CDIN1: variants seen among roughly 807,000 people sequenced by gnomAD.
CDIN1 encodes CDAN1-interacting nuclease 1.
CDIN1 carries 33 observed loss-of-function variants against 45.3 expected under a neutral mutation model. The ratio of observed to expected loss-of-function variants is 0.73; its 90% CI spans 0.55 to 0.97. The LOEUF (loss-of-function observed/expected upper bound fraction) is 0.97, where lower values mean the gene tolerates loss of function less well. CDIN1 is among the 50% of genes least tolerant of loss of function. The pLI, the probability that CDIN1 is intolerant of heterozygous loss-of-function variation, is 0.00. For missense variants in CDIN1, 303 were observed against 339.4 expected (o/e 0.89, Z 0.84); for synonymous variants, 118 against 124.4 (o/e 0.95, Z 0.34).
chr15:36,722,210 C>G (rs958258766), intron 10 of CDIN1, among the ~76,000 whole-genome samples: 10 of 151,916 alleles, frequency 6.6e-5, no homozygotes, highest in East Asian at 1.9e-4. Flanking sequence ...TAATCTTAAC[C>G]TTTGTATCTT....
At chr15:36,650,844 C>A (rs1321072568) in intron 3 of CDIN1, among the ~76,000 whole-genome samples, 1 of 152,100 alleles carries the variant, frequency 6.6e-6, no homozygotes, top group Non-Finnish European at 1.5e-5. Context: ...AAGCGGATCA[C>A]CTGAGATCAG....
At chr15:36,670,975 G>T (rs1360229860) in intron 5 of CDIN1, among the ~76,000 whole-genome samples, 1 of 152,096 alleles carries the variant, frequency 6.6e-6, no homozygotes, top group Non-Finnish European at 1.5e-5. Flanking sequence ...GAACACTAAG[G>T]TTGTAACTTG....
At chr15:36,723,219 C>G (rs2043498384) in intron 10 of CDIN1, among the ~76,000 whole-genome samples, 1 of 60,462 alleles carries the variant, frequency 1.7e-5, no homozygotes. Context: ...GCTTGCTAAC[C>G]ATTACCACCA....
chr15:36,633,882 C>T (rs758562292), intron 1 of CDIN1, among the ~76,000 whole-genome samples: 3 of 152,006 alleles, frequency 2.0e-5, no homozygotes, highest in East Asian at 3.9e-4. Flanking sequence ...CTCAGCCTCC[C>T]GAGTAGCTGG....
intron 9 of CDIN1, 36 bp downstream of exon 9, chr15:36,709,324 G>C: frequency 6.6e-7 from 1 of 1,504,544 alleles, no homozygotes; most frequent in Admixed American, 2.0e-5. Context: ...TTTGTTTTTA[G>C]AGAAAAGGGA....
At chr15:36,806,029 T>C (rs749017950) in intron 10 of CDIN1, among the ~76,000 whole-genome samples, 11 of 152,194 alleles carry the variant, frequency 7.2e-5, no homozygotes, top group Non-Finnish European at 1.5e-4. Flanking sequence ...AACCTAAACA[T>C]AGTTCCATAA....
rs151100771 is a variant in CDIN1 at position 36,623,408 on chromosome 15, A to G, written c.102-20870A>G. Among the ~76,000 whole-genome samples the G allele has an allele frequency of 3.2e-3, 492 of 152,320 alleles. 2 individuals are homozygous for G. Among genetic ancestry groups the G allele is most frequent in the Non-Finnish European group, 5.1e-3 (348 of 68,032 alleles). On this transcript the variant is annotated intron_variant, in intron 1 of 10. Transcript: ENST00000566621. ...CTTTATATATTTTTTACTTTAAATTATATTTATTTACAGCCAGTAGTTGCA... is the reference window on the plus strand; with the variant it reads ...CTTTATATATTTTTTACTTTAAATTGTATTTATTTACAGCCAGTAGTTGCA...
At chr15:36,767,183 A>AAG (rs397770562) in intron 10 of CDIN1, among the ~76,000 whole-genome samples, 1 of 151,186 alleles carries the variant, frequency 6.6e-6, no homozygotes, top group East Asian at 1.9e-4. Flanking sequence ...GTTAAAAAAA[A>AAG]TGGATCTATA....
intron 10 of CDIN1, among the ~76,000 whole-genome samples, chr15:36,767,056 T>G (rs1420234326): frequency 1.3e-5 from 2 of 152,122 alleles, no homozygotes; most frequent in Non-Finnish European, 2.9e-5. Context: ...CTTCTAAGGG[T>G]TTTACAGTTC....
At chr15:36,663,251 A>G (rs925291212) in intron 5 of CDIN1, among the ~76,000 whole-genome samples, 2 of 152,180 alleles carry the variant, frequency 1.3e-5, no homozygotes, top group African/African-American at 4.8e-5. Flanking sequence ...TGAAATCCAG[A>G]CCTAGGTATT....
chr15:36,715,839 A>G (rs1163776670), intron 10 of CDIN1, among the ~76,000 whole-genome samples: 1 of 152,154 alleles, frequency 6.6e-6, no homozygotes, highest in Non-Finnish European at 1.5e-5. Flanking sequence ...AGGATGAGGG[A>G]AGTGTTTTCT....
intron 10 of CDIN1, among the ~76,000 whole-genome samples, chr15:36,751,003 A>G (rs915563913): frequency 6.6e-6 from 1 of 151,792 alleles, no homozygotes; most frequent in Admixed American, 6.6e-5. Context: ...CTCCCCTTTT[A>G]TTTTTTATAT....
intron 3 of CDIN1, among the ~76,000 whole-genome samples, chr15:36,651,269 G>A (rs931960987): frequency 3.9e-5 from 6 of 152,100 alleles, no homozygotes; most frequent in African/African-American, 1.4e-4. Context: ...ATTCATTTGT[G>A]TAGCCCTACC....
chr15:36,618,188 C>T (rs1412423291), intron 1 of CDIN1: 30 of 684,162 alleles, frequency 4.4e-5, no homozygotes, highest in Non-Finnish European at 6.1e-5. Context: ...GAATATGGGT[C>T]GACCATTCCA....
At chr15:36,622,287 C>T (rs537351006) in intron 1 of CDIN1, among the ~76,000 whole-genome samples, 3 of 151,700 alleles carry the variant, frequency 2.0e-5, no homozygotes, top group South Asian at 2.1e-4. Context: ...TTTTTCTCAT[C>T]GGGCTTGAGG....
chr15:36,757,430 C>A (rs930227098), intron 10 of CDIN1, among the ~76,000 whole-genome samples: 1 of 152,206 alleles, frequency 6.6e-6, no homozygotes, highest in African/African-American at 2.4e-5. Flanking sequence ...CAATCCGATA[C>A]AAAATGCAGT....
At chr15:36,598,267 C>T (rs1360370728) in intron 1 of CDIN1, among the ~76,000 whole-genome samples, 1 of 152,186 alleles carries the variant, frequency 6.6e-6, no homozygotes, top group Non-Finnish European at 1.5e-5. Context: ...GCCTGGATTA[C>T]AGGTGTGAGC....
chr15:36,681,272 C>G (rs1016990475), intron 5 of CDIN1, among the ~76,000 whole-genome samples: 1 of 151,934 alleles, frequency 6.6e-6, no homozygotes, highest in Non-Finnish European at 1.5e-5. Flanking sequence ...AGCTCATTAG[C>G]TGAGTGATGT....
chr15:36,778,776 A>T lies in CDIN1; in HGVS notation c.717-29548A>T, dbSNP rs79295318. On this transcript the variant is annotated intron_variant, in intron 10 of 10. Transcript: ENST00000566621. Reference sequence around the variant, plus strand: ...AGTTGATTTACTGCATATGGAATCAACTCACTCTAAGCACACCCTACAATT... The same window carrying T: ...AGTTGATTTACTGCATATGGAATCATCTCACTCTAAGCACACCCTACAATT... Among the ~76,000 whole-genome samples, 322 of 152,232 alleles carry T rather than the reference A, an allele frequency of 2.1e-3. 2 individuals carry two copies. Among genetic ancestry groups the T allele is most frequent in the African/African-American group, 7.5e-3 (311 of 41,532 alleles).
Sources: gnomAD v4.1 joint callset for allele counts (sites outside exome capture counted in the v4.1 genomes callset) on GRCh38, gnomAD v4.1.1 for gene constraint, MANE v1.5 for transcripts, NCBI Gene and HGNC (gene_info 2026-07-23, HGNC 2026-07-21) for gene names.